YWHAZ: variants seen among roughly 807,000 people sequenced by gnomAD.
YWHAZ encodes tyrosine 3-monooxygenase/tryptophan 5-monooxygenase activation protein zeta.
For missense variants in YWHAZ, 79 were observed against 284.8 expected (o/e 0.28, Z 5.20); for synonymous variants, 87 against 103.6 (o/e 0.84, Z 0.97).
At position 100,920,451 on chromosome 8, in the gene YWHAZ, T is replaced by C. The variant is rs145502947; in HGVS notation, c.*242A>G. ...CTATGCCAAACACTTATAACTTGTA[T>C]AAAAATTCCACATCCCCATATTGGC... On this transcript the variant is annotated 3_prime_UTR_variant, in exon 6 of 6. Transcript: ENST00000395958. 3.7e-6 allele frequency: 2 copies of C among 538,098 alleles called. No individual in the cohort carries two copies. Among genetic ancestry groups the C allele is most frequent in the African/African-American group, 1.9e-5 (1 of 51,930 alleles). The allele number at this position is 538,098 out of a possible 1,614,324, so 33.3% of individuals were successfully genotyped here. A position where few individuals can be genotyped will look rare whatever the true frequency, so the allele number is the denominator to read the frequency against.
chr8:100,945,428 A>G (rs1459931885), intron 2 of YWHAZ, among the ~76,000 whole-genome samples: 2 of 152,214 alleles, frequency 1.3e-5, no homozygotes, highest in Admixed American at 6.5e-5. Context: ...GGTGCTCAAT[A>G]TAAAAAATCT....
upstream of YWHAZ, chr8:100,952,776 C>T (rs562652147): frequency 3.0e-6 from 3 of 999,014 alleles, no homozygotes; most frequent in East Asian, 1.1e-4. Flanking sequence ...CCCCGCCCGC[C>T]GCTCCCCTTC....
In YWHAZ at chr8:100,951,917, C is replaced by A; in HGVS notation, c.-12+12G>T. ...ACAGGAAGCGAGGCGCGGCGGCGGC[C>A]GGGTTCCTCACCTGTGTCCGGAGTG... On this transcript the variant is annotated intron_variant, in intron 1 of 5. Transcript: ENST00000395958. The A allele has an allele frequency of 2.0e-6, 2 of 995,254 alleles. No individual in the cohort carries two copies. Among genetic ancestry groups the A allele is most frequent in the Non-Finnish European group, 2.4e-6 (2 of 836,124 alleles). The allele number at this position is 995,254 out of a possible 1,614,324, so 61.7% of individuals were successfully genotyped here. A position where few individuals can be genotyped will look rare whatever the true frequency, so the allele number is the denominator to read the frequency against.
chr8:100,950,605 T>TC (rs1282994697), intron 1 of YWHAZ: 36 of 965,180 alleles, frequency 3.7e-5, no homozygotes, highest in Non-Finnish European at 4.1e-5. Context: ...TGTTAATTCC[T>TC]CCCCCCGACC....
chr8:100,951,604 C>G (rs1463402696), intron 1 of YWHAZ: 1 of 985,128 alleles, frequency 1.0e-6, no homozygotes, highest in Non-Finnish European at 1.2e-6. Flanking sequence ...CCTCGTCCAC[C>G]TTCGGGAGCC....
At chr8:100,951,271 C>T (rs1001534310) in intron 1 of YWHAZ, 8 of 984,802 alleles carry the variant, frequency 8.1e-6, no homozygotes, top group Admixed American at 1.2e-4. Flanking sequence ...GGGCTCCGGC[C>T]CGCTCTCGGC....
intron 5 of YWHAZ, chr8:100,923,129 G>T (rs1019854954): frequency 6.6e-6 from 1 of 152,162 alleles, no homozygotes; most frequent in Non-Finnish European, 1.5e-5. Context: ...TATAAAATGA[G>T]ATTACATAGT....
At position 100,948,244 on chromosome 8, in the gene YWHAZ, T is replaced by C; in HGVS notation, c.294+352A>G. On this transcript the variant is annotated intron_variant, in intron 2 of 5. Coordinates refer to ENST00000395958, the MANE Select transcript of YWHAZ (RefSeq NM_145690.3). This position sits in a 1 kb window ranked among gnomAD's most constrained non-coding sequence, Gnocchi z 4.2. Reference sequence around the variant, plus strand: ...ACCTAAAGTATGTAAAATTCCTTTATCCACAGATGTACATTTAAGATAACC... The same window carrying C: ...ACCTAAAGTATGTAAAATTCCTTTACCCACAGATGTACATTTAAGATAACC... 9.6e-7 allele frequency: 1 copy of C among 1,044,502 alleles called. No homozygotes were observed. The highest frequency in any genetic ancestry group is 1.3e-6 in the Non-Finnish European group (1 of 744,834). 64.7% of individuals were successfully genotyped at this position (1,044,502 alleles called of 1,614,324 possible).
intron 2 of YWHAZ, among the ~76,000 whole-genome samples, chr8:100,926,682 G>A (rs1181566752): frequency 6.6e-6 from 1 of 152,172 alleles, no homozygotes; most frequent in African/African-American, 2.4e-5. Flanking sequence ...GGTTAGGATA[G>A]CAACCTCTGT....
In YWHAZ at chr8:100,924,698, A is replaced by G. The variant is rs1041891858; in HGVS notation, c.418+218T>C. On this transcript the variant is annotated intron_variant, in intron 3 of 5. Coordinates refer to ENST00000395958, the MANE Select transcript of YWHAZ (RefSeq NM_145690.3). The surrounding 1 kb of genome is among the most constrained non-coding windows in gnomAD (Gnocchi z 5.7). Reference sequence around the variant, plus strand: ...CTGGTCACTTTTCTTAAAATCTTGAAAAAACATCCCTGTACACAATATTGG... The same window carrying G: ...CTGGTCACTTTTCTTAAAATCTTGAGAAAACATCCCTGTACACAATATTGG... Among the ~76,000 whole-genome samples, 6 of 152,208 alleles carry G rather than the reference A, an allele frequency of 3.9e-5. No homozygotes were observed. The highest frequency in any genetic ancestry group is 8.8e-5 in the Non-Finnish European group (6 of 68,030).
intron 2 of YWHAZ, among the ~76,000 whole-genome samples, chr8:100,926,281 T>C (rs186290832): frequency 2.4e-4 from 36 of 151,150 alleles, no homozygotes; most frequent in African/African-American, 8.5e-4. Context: ...CTGTGCTATA[T>C]AAAGAGGTTA....
At chr8:100,943,515 T>C (rs573624429) in intron 2 of YWHAZ, among the ~76,000 whole-genome samples, 1 of 152,322 alleles carries the variant, frequency 6.6e-6, no homozygotes, top group Admixed American at 6.5e-5. Flanking sequence ...TAATTCAGTA[T>C]TATAAAGACA....
intron 5 of YWHAZ, among the ~76,000 whole-genome samples, chr8:100,921,465 G>C (rs929030590): frequency 6.6e-6 from 1 of 152,132 alleles, no homozygotes; most frequent in African/African-American, 2.4e-5. Flanking sequence ...AGCTAGGGTT[G>C]ACTACTCTCC....
rs186357885 is a variant in YWHAZ, at chr8:100,936,611, G to A, written c.295-11572C>T. On this transcript the variant is annotated intron_variant, in intron 2 of 5. Transcript: ENST00000395958. The stretch of plus-strand genomic sequence containing the variant: ...AGGTCAGGAGTTTGAGATCAGCCTG[G>A]CCAACATGGTGAAACCCCACCTCTA... Among the ~76,000 whole-genome samples the A allele has an allele frequency of 1.9e-3, 286 of 152,266 alleles. 2 individuals carry two copies. The highest frequency in any genetic ancestry group is 6.6e-3 in the African/African-American group (276 of 41,538).
Position 100,950,666 on chromosome 8 carries a change from G to A in YWHAZ, c.-12+1263C>T, listed in dbSNP as rs551022421. On this transcript the variant is annotated intron_variant, in intron 1 of 5. Transcript: ENST00000395958. Reference sequence around the variant, plus strand: ...GCCCCCGCCCAAGCCGTGGGGGGGGGGGAGAGATGGGGAGCGAAGCCGCCC... The same window carrying A: ...GCCCCCGCCCAAGCCGTGGGGGGGGAGGAGAGATGGGGAGCGAAGCCGCCC... 3 of 890,740 alleles carry A rather than the reference G, an allele frequency of 3.4e-6. No homozygotes were observed. The African/African-American group carries it at 5.5e-5, about 16-fold the overall frequency. The allele number at this position is 890,740 out of a possible 1,614,324, so 55.2% of individuals were successfully genotyped here. A position where few individuals can be genotyped will look rare whatever the true frequency, so the allele number is the denominator to read the frequency against.
chr8:100,942,474 TACG>T, intron 2 of YWHAZ, among the ~76,000 whole-genome samples: 1 of 152,352 alleles, frequency 6.6e-6, no homozygotes, highest in East Asian at 1.9e-4. Context: ...GAACTGCTGA[TACG>T]ACCGTTCTTC....
intron 2 of YWHAZ, among the ~76,000 whole-genome samples, chr8:100,925,566 C>A: frequency 6.6e-6 from 1 of 152,134 alleles, no homozygotes; most frequent in East Asian, 1.9e-4. Flanking sequence ...AACCTCACAA[C>A]AGATAAAAAA....
chr8:100,944,703 G>C (rs1027123167), intron 2 of YWHAZ, among the ~76,000 whole-genome samples: 1 of 152,138 alleles, frequency 6.6e-6, no homozygotes, highest in Non-Finnish European at 1.5e-5. Context: ...TTATAGGCAG[G>C]CTCACACTTT....
chr8:100,952,170 C>G (rs929139633), upstream of YWHAZ: 1 of 984,972 alleles, frequency 1.0e-6, no homozygotes, highest in Middle Eastern at 5.2e-4. Context: ...ATCGGGGCCC[C>G]GCGTAACCGC....
Sources: allele counts gnomAD v4.1 joint callset (sites outside exome capture counted in the v4.1 genomes callset), GRCh38; gene constraint gnomAD v4.1.1; non-coding constraint Gnocchi (gnomAD v3.1); transcripts MANE v1.5; gene names NCBI Gene and HGNC (gene_info 2026-07-23, HGNC 2026-07-21).